The following ZNF227 variants were observed in gnomAD, a reference collection of about 807,000 sequenced individuals.
ZNF227 encodes the protein zinc finger protein 227.
Under a neutral mutation model 13.2 loss-of-function variants are expected in ZNF227, and 12 were observed. The ratio of observed to expected loss-of-function variants is 0.91; its 90% confidence interval spans 0.58 to 1.47. The LOEUF is 1.47. Among genes scored for constraint, ZNF227 ranks in the 40% most tolerant of loss-of-function variants. The pLI is 0.00. For synonymous variants in ZNF227, 338 were observed against 326.0 expected, an observed-to-expected ratio of 1.04 and a Z score of -0.40; for missense variants, 885 against 967.5, an observed-to-expected ratio of 0.91 and a Z score of 1.13.
In ZNF227 at chr19:44,222,559, CTGTT is replaced by C. The variant is rs1158724894; in HGVS notation, c.60+4711_60+4714del. On this transcript the variant is annotated intron_variant, in intron 3 of 5. Transcript: ENST00000313040. ...GGGAGTTCACTCATGATTTGGCTCT[CTGTT>C]TGTCTGTTATTGGTGTATAAGAATG... Among the ~76,000 whole-genome samples, 24 of 151,740 alleles carry C rather than the reference CTGTT, an allele frequency of 1.6e-4. No homozygotes were observed. The East Asian group carries it at 3.3e-3, about 21-fold the overall frequency.
At chr19:44,218,103 C>G (rs187587433) in intron 3 of ZNF227, among the ~76,000 whole-genome samples, 214 of 152,202 alleles carry the variant, frequency 1.4e-3, no homozygotes, top group African/African-American at 4.8e-3. Flanking sequence ...TAGCTTTTTT[C>G]ATTTTCCCAT....
At chr19:44,225,827 G>A (rs1168070358) in intron 3 of ZNF227, among the ~76,000 whole-genome samples, 5 of 152,224 alleles carry the variant, frequency 3.3e-5, no homozygotes, top group Non-Finnish European at 5.9e-5. Flanking sequence ...TCCTTTGGAG[G>A]AGGAGAGGCG....
chr19:44,217,955 T>C (rs1235586475), intron 3 of ZNF227, 103 bp downstream of exon 3: 2 of 1,336,934 alleles, frequency 1.5e-6, no homozygotes, highest in South Asian at 1.2e-5. Context: ...GAAACAGATA[T>C]TCAGGACATG....
At chr19:44,208,062 T>C (rs1352459657), upstream of ZNF227, among the ~76,000 whole-genome samples, 2 of 152,202 alleles carry the variant, frequency 1.3e-5, no homozygotes, top group Non-Finnish European at 2.9e-5. Context: ...CCACACAATG[T>C]AGAAAAGAAA....
intron 3 of ZNF227, among the ~76,000 whole-genome samples, chr19:44,220,833 A>G (rs1158949288): frequency 7.1e-6 from 1 of 139,902 alleles, no homozygotes; most frequent in Non-Finnish European, 1.5e-5. Flanking sequence ...AACAGTCCCC[A>G]GAGTGTGATG....
At chr19:44,212,376 T>TG (rs1425737259), upstream of ZNF227, among the ~76,000 whole-genome samples, 12 of 103,762 alleles carry the variant, frequency 1.2e-4, no homozygotes, top group Non-Finnish European at 2.2e-4. Context: ...GTTTTTTTTT[T>TG]TGTTTTTTTT....
chr19:44,231,011 A>G lies in ZNF227; in HGVS notation c.271+1195A>G, dbSNP rs148642107. ...TCCCAGCTACTTGGGAGGAGCATCA[A>G]GTGAGCCCAGGAATTTGAGACCAAC... On this transcript the variant is annotated intron_variant, in intron 5 of 5. Coordinates refer to ENST00000313040, the MANE Select transcript of ZNF227 (RefSeq NM_182490.3). Among the ~76,000 whole-genome samples, 555 of 148,646 alleles carry G rather than the reference A, an allele frequency of 3.7e-3. 3 individuals carry two copies. The highest frequency in any genetic ancestry group is 0.013 in the African/African-American group (523 of 39,930).
upstream of ZNF227, among the ~76,000 whole-genome samples, chr19:44,208,811 A>T (rs1396482999): frequency 6.6e-6 from 1 of 152,240 alleles, no homozygotes; most frequent in East Asian, 1.9e-4. Flanking sequence ...GGGGCTTTAG[A>T]GTCTATATTC....
chr19:44,234,625 G>A, intron 5 of ZNF227, 77 bp from the exon 6 acceptor site: 1 of 1,339,780 alleles, frequency 7.5e-7, no homozygotes, highest in Non-Finnish European at 1.0e-6. Flanking sequence ...CATGGCCTAA[G>A]TGTGAAATTC....
chr19:44,217,855 A>G lies in ZNF227; in HGVS notation c.60+3A>G. ...AGGAGAAAATGACCAAGTTTCAGGT[A>G]CGTAAAGGATTCCTTGCTGTCTTTT... On this transcript the variant is annotated splice_donor_region_variant and intron_variant, in intron 3 of 5. Transcript: ENST00000313040. 1 of 1,614,104 alleles carries G rather than the reference A, an allele frequency of 6.2e-7. No homozygotes were observed. The highest frequency in any genetic ancestry group is 8.5e-7 in the Non-Finnish European group (1 of 1,179,910).
intron 3 of ZNF227, among the ~76,000 whole-genome samples, chr19:44,226,887 A>G (rs1973226015): frequency 6.6e-6 from 1 of 152,196 alleles, no homozygotes; most frequent in Admixed American, 6.5e-5. Context: ...GGAGCTGTAG[A>G]CCGGAGCTGT....
intron 3 of ZNF227, among the ~76,000 whole-genome samples, chr19:44,222,743 A>G (rs1261059984): frequency 3.3e-5 from 5 of 150,906 alleles, no homozygotes; most frequent in Non-Finnish European, 7.4e-5. Flanking sequence ...TTCCTAATTG[A>G]ATACCCTTTA....
At chr19:44,230,920 AAAAAAAATAT>A (rs1466035978) in intron 5 of ZNF227, among the ~76,000 whole-genome samples, 2 of 111,828 alleles carry the variant, frequency 1.8e-5, no homozygotes, top group East Asian at 4.4e-4. Context: ...AAAAAAAAAA[AAAAAAAATAT>A]ATATATATAT....
At chr19:44,225,784 C>T (rs1973069883) in intron 3 of ZNF227, among the ~76,000 whole-genome samples, 1 of 152,224 alleles carries the variant, frequency 6.6e-6, no homozygotes. Context: ...ATTCTCCATC[C>T]AGCTTTGTTC....
chr19:44,219,813 G>T (rs866576010), intron 3 of ZNF227, among the ~76,000 whole-genome samples: 17 of 150,946 alleles, frequency 1.1e-4, no homozygotes, highest in African/African-American at 4.1e-4. Flanking sequence ...AAGTTTTAGG[G>T]TACATGTGCA....
At chr19:44,230,926 A>AAAAAAAAAAAAATATATATATATAT (rs1555792168) in intron 5 of ZNF227, among the ~76,000 whole-genome samples, 1 of 68,116 alleles carries the variant, frequency 1.5e-5, no homozygotes, top group African/African-American at 9.8e-5. Flanking sequence ...AAAAAAAAAA[A>AAAAAAAAAAAAATATATATATATAT]ATATATATAT....
At position 44,235,372 on chromosome 19, in the gene ZNF227, T is replaced by C. The variant is rs763661309; in HGVS notation, c.942T>C (p.Tyr314=). ...TCAATAAGAGCTCTTTTCATTCTTA[T>C]CAATCTAATCATACAGGAGAGAAGT... ...DCFNKSSFHS[Y]QSNHTGEKSY... The change falls in exon 6 of 6, where the codon TAT becomes TAC. Residue 314 remains tyrosine (Y), a synonymous_variant. Coordinates refer to ENST00000313040, the MANE Select transcript of ZNF227 (RefSeq NM_182490.3). 13 of 1,614,112 alleles carry C rather than the reference T, an allele frequency of 8.1e-6. No homozygotes were observed. Among genetic ancestry groups the C allele is most frequent in the South Asian group, 1.1e-5 (1 of 91,094 alleles).
chr19:44,226,077 C>T (rs983379291), intron 3 of ZNF227, among the ~76,000 whole-genome samples: 13 of 152,124 alleles, frequency 8.5e-5, no homozygotes, highest in African/African-American at 2.9e-4. Context: ...TGCAGAACAG[C>T]GGTGGCTGTA....
chr19:44,215,264 T>A (rs1044360081), intron 2 of ZNF227, among the ~76,000 whole-genome samples: 2 of 151,380 alleles, frequency 1.3e-5, no homozygotes, highest in Admixed American at 1.3e-4. Context: ...CCTCCCGGGT[T>A]CAAGCGATTC....
Sources: gnomAD v4.1 joint callset for allele counts (sites outside exome capture counted in the v4.1 genomes callset) on GRCh38, gnomAD v4.1.1 for gene constraint, MANE v1.5 for transcripts, NCBI Gene and HGNC (gene_info 2026-07-23, HGNC 2026-07-21) for gene names.